The following AFF3 variants were observed in gnomAD, a reference collection of about 807,000 sequenced individuals.
AFF3 encodes ALF transcription elongation factor 3.
AFF3 carries 32 observed loss-of-function variants against 129.7 expected under a neutral mutation model. That is an observed-to-expected ratio of 0.25 (90% CI 0.19 to 0.33). AFF3 has a LOEUF of 0.33. Among genes scored for constraint, AFF3 ranks in the 10% least tolerant of loss-of-function variants. The pLI is 1.00. For synonymous variants in AFF3, 644 were observed against 635.4 expected (o/e 1.01, Z -0.20); for missense variants, 1,373 against 1,592.0 (o/e 0.86, Z 2.34).
chr2:99,946,160 C>T (rs1334426498), intron 7 of AFF3, among the ~76,000 whole-genome samples: 2 of 151,992 alleles, frequency 1.3e-5, no homozygotes, highest in African/African-American at 4.8e-5. Flanking sequence ...ACCACATAGG[C>T]AGTAACAGAG....
At chr2:100,031,315 A>G (rs935344927) in intron 4 of AFF3, among the ~76,000 whole-genome samples, 1 of 152,222 alleles carries the variant, frequency 6.6e-6, no homozygotes, top group Non-Finnish European at 1.5e-5. Flanking sequence ...GGGATTACAC[A>G]TATGCAACGG....
chr2:99,815,645 A>C (rs1329059272), intron 8 of AFF3, among the ~76,000 whole-genome samples: 1 of 152,080 alleles, frequency 6.6e-6, no homozygotes, highest in African/African-American at 2.4e-5. Context: ...TTGTTTGAGA[A>C]AGTATTTCTC....
chr2:99,762,532 C>G (rs6711546), intron 8 of AFF3, among the ~76,000 whole-genome samples: 1 of 152,036 alleles, frequency 6.6e-6, no homozygotes, highest in Non-Finnish European at 1.5e-5. Flanking sequence ...ACAAACTCTT[C>G]GAGGGAAGGG....
chr2:99,904,646 T>C lies in AFF3; in HGVS notation c.874-67122A>G, dbSNP rs910076963. On this transcript the variant is annotated intron_variant, in intron 7 of 24. Transcript: ENST00000672756. Reference sequence around the variant, plus strand: ...AATATGCTTTTCAGGGAGGGCACTATTGAAAGCTTGTGTGTTTTTCATTTT... The same window carrying C: ...AATATGCTTTTCAGGGAGGGCACTACTGAAAGCTTGTGTGTTTTTCATTTT... 4.6e-5 allele frequency among the ~76,000 whole-genome samples: 7 copies of C among 152,302 alleles called. No homozygotes were observed. The South Asian group carries it at 6.2e-4, about 14-fold the overall frequency.
At chr2:99,565,404 C>T in intron 20 of AFF3, 83 bp downstream of exon 20, 1 of 1,555,760 alleles carries the variant, frequency 6.4e-7, no homozygotes, top group Admixed American at 1.7e-5. Flanking sequence ...ATGGTGCAGG[C>T]TGACATTCTT....
chr2:99,752,418 A>T, intron 8 of AFF3, 117 bp from the exon 9 acceptor site: 1 of 707,574 alleles, frequency 1.4e-6, no homozygotes. Flanking sequence ...TAAAAAATGT[A>T]CAAAGGCTGA....
intron 13 of AFF3, among the ~76,000 whole-genome samples, chr2:99,624,262 T>G (rs1409526196): frequency 6.6e-6 from 1 of 152,112 alleles, no homozygotes; most frequent in Non-Finnish European, 1.5e-5. Context: ...TCCCAGACTA[T>G]CTCCAGGTAA....
In AFF3 at chr2:100,006,647, G is replaced by T; in HGVS notation, c.858C>A (p.Ile286=). ...RAKAKLSKFS[I]PKQGEESRSG... is the part of the protein sequence containing the mutation. ...AAAGACTCACCTCCCCCTGCTTGGG[G>T]ATGCTGAACTTGGAGAGCTTGGCCT... The change falls in exon 7 of 25, where the codon ATC becomes ATA. Residue 286 remains isoleucine (I), a synonymous_variant. Coordinates refer to ENST00000672756, the MANE Select transcript of AFF3 (RefSeq NM_001386135.1). 6.2e-7 allele frequency: 1 copy of T among 1,606,878 alleles called. No homozygotes were observed. The highest frequency in any genetic ancestry group is 8.5e-7 in the Non-Finnish European group (1 of 1,173,962).
chr2:99,633,790 T>C (rs770026630), intron 13 of AFF3, among the ~76,000 whole-genome samples: 19 of 152,106 alleles, frequency 1.2e-4, no homozygotes, highest in African/African-American at 4.8e-5. Context: ...TCCTCTGACC[T>C]TCTCTACCAT....
chr2:100,105,078 A>AGCGGCGAGGCGGCG (rs1691171232), intron 3 of AFF3: 2 of 154,458 alleles, frequency 1.3e-5, no homozygotes, highest in Non-Finnish European at 2.8e-5. Flanking sequence ...AGCGGGAGAG[A>AGCGGCGAGGCGGCG]GCGGCGAGGC....
At chr2:99,988,525 T>C (rs1247958748) in intron 7 of AFF3, among the ~76,000 whole-genome samples, 9 of 152,186 alleles carry the variant, frequency 5.9e-5, no homozygotes, top group Non-Finnish European at 1.2e-4. Flanking sequence ...TTTTCTAGCA[T>C]AAGTTTCCCA....
At chr2:99,663,889 C>T (rs1232490944) in intron 12 of AFF3, among the ~76,000 whole-genome samples, 1 of 152,192 alleles carries the variant, frequency 6.6e-6, no homozygotes, top group East Asian at 1.9e-4. Context: ...AAGTCTTAAT[C>T]ATGTGTCCCT....
intron 2 of AFF3, among the ~76,000 whole-genome samples, chr2:100,118,306 C>A (rs1691805770): frequency 6.6e-6 from 1 of 152,122 alleles, no homozygotes; most frequent in African/African-American, 2.4e-5. Flanking sequence ...TGCAAACTAT[C>A]CTGTGAATGG....
chr2:99,605,166 T>A, intron 13 of AFF3, among the ~76,000 whole-genome samples: 1 of 152,248 alleles, frequency 6.6e-6, no homozygotes, highest in East Asian at 1.9e-4. Context: ...CAGAAAAACC[T>A]TATACGTTAA....
chr2:100,055,462 T>TAAAA (rs55713850), intron 4 of AFF3, among the ~76,000 whole-genome samples: 1 of 128,500 alleles, frequency 7.8e-6, no homozygotes, highest in Non-Finnish European at 1.6e-5. Context: ...CTAGAAATCT[T>TAAAA]AAAAAAAAAA....
intron 18 of AFF3, among the ~76,000 whole-genome samples, chr2:99,569,760 A>G (rs1431429217): frequency 6.6e-6 from 1 of 152,202 alleles, no homozygotes; most frequent in Non-Finnish European, 1.5e-5. Flanking sequence ...TAAACTTTAT[A>G]TAATCAATAA....
intron 4 of AFF3, among the ~76,000 whole-genome samples, chr2:100,056,437 T>A (rs1686794180): frequency 6.6e-6 from 1 of 152,174 alleles, no homozygotes; most frequent in Non-Finnish European, 1.5e-5. Context: ...CCTTGAAAGC[T>A]GGGACATGTT....
chr2:99,661,676 T>C (rs1022040639), intron 12 of AFF3, among the ~76,000 whole-genome samples: 5 of 152,224 alleles, frequency 3.3e-5, no homozygotes, highest in Non-Finnish European at 4.4e-5. Context: ...TTAAGTTGGC[T>C]GACCATTTCA....
In AFF3 at chr2:99,727,105, TCTCTGG is replaced by T; in HGVS notation, c.1057_1062del (p.Pro353_Glu354del). On this transcript the variant is annotated inframe_deletion, in exon 11 of 25. Transcript: ENST00000672756. ...GTATTCGATGTGCCATTGTCTGGACTCTCTGGCTCTGCATCACCTTTCTCTTAAAAA... is the reference window on the plus strand; with the variant it reads ...GTATTCGATGTGCCATTGTCTGGACTCTCTGCATCACCTTTCTCTTAAAAA... The T allele has an allele frequency of 6.2e-7, 1 of 1,610,668 alleles. No individual in the cohort carries two copies. Among genetic ancestry groups the T allele is most frequent in the African/African-American group, 1.3e-5 (1 of 74,824 alleles).
Sources: gnomAD v4.1 joint callset for allele counts (sites outside exome capture counted in the v4.1 genomes callset) on GRCh38, gnomAD v4.1.1 for gene constraint, MANE v1.5 for transcripts, NCBI Gene and HGNC (gene_info 2026-07-23, HGNC 2026-07-21) for gene names.